Variants in TBC1D19 observed in about 807,000 individuals in gnomAD.
The protein encoded by TBC1D19 is TBC1 domain family member 19, also known as TBC1 domain family, member 19.
TBC1D19 carries 60 observed loss-of-function variants against 89.0 expected under a neutral mutation model. The observed-to-expected ratio is 0.67, with a 90% confidence interval of 0.55 to 0.84. The LOEUF (loss-of-function observed/expected upper bound fraction) is 0.84. TBC1D19 is among the 40% of genes least tolerant of loss of function. The probability of loss-of-function intolerance (pLI) is 0.00; values close to 1 mark genes in which losing one functional copy is unlikely to be tolerated. For synonymous variants in TBC1D19, 189 were observed against 199.7 expected (o/e 0.95, Z 0.45); for missense variants, 500 against 610.8 (o/e 0.82, Z 1.91).
chr4:26,649,598 GAAA>G (rs1019104100), intron 7 of TBC1D19, among the ~76,000 whole-genome samples: 1 of 152,128 alleles, frequency 6.6e-6, no homozygotes, highest in Non-Finnish European at 1.5e-5. Flanking sequence ...ACATTTCATA[GAAA>G]TGAAATTATA....
At chr4:26,734,987 T>TGC (rs1717912128) in intron 15 of TBC1D19, among the ~76,000 whole-genome samples, 3 of 150,790 alleles carry the variant, frequency 2.0e-5, no homozygotes, top group African/African-American at 7.3e-5. Context: ...CATATGTATA[T>TGC]GTATATATGT....
the TBC1D19 span, among the ~76,000 whole-genome samples, chr4:26,813,494 G>GT: frequency 1.3e-5 from 2 of 151,976 alleles, no homozygotes; most frequent in East Asian, 1.9e-4. Flanking sequence ...ATGCGAATGC[G>GT]TTTTTTTATA....
intron 7 of TBC1D19, among the ~76,000 whole-genome samples, chr4:26,645,915 A>C (rs1338435091): frequency 6.6e-6 from 1 of 151,842 alleles, no homozygotes; most frequent in Non-Finnish European, 1.5e-5. Flanking sequence ...CGAGGTCAGG[A>C]GATCGAGACC....
At chr4:26,673,926 G>T in intron 11 of TBC1D19, 38 bp downstream of exon 11, 1 of 1,272,930 alleles carries the variant, frequency 7.9e-7, no homozygotes, top group South Asian at 1.5e-5. Flanking sequence ...TTTTAGCTTT[G>T]GGGTATTTAT....
At chr4:26,648,195 T>C (rs1744096629) in intron 7 of TBC1D19, among the ~76,000 whole-genome samples, 1 of 152,144 alleles carries the variant, frequency 6.6e-6, no homozygotes, top group Non-Finnish European at 1.5e-5. Flanking sequence ...ACACAGGATG[T>C]GTTTAGATTT....
At chr4:26,603,716 A>T (rs1238698862) in intron 1 of TBC1D19, among the ~76,000 whole-genome samples, 1 of 152,214 alleles carries the variant, frequency 6.6e-6, no homozygotes, top group Non-Finnish European at 1.5e-5. Flanking sequence ...TTTATTTTTG[A>T]AAATACAATT....
chr4:26,765,958 G>A, the TBC1D19 span, among the ~76,000 whole-genome samples: 1 of 152,004 alleles, frequency 6.6e-6, no homozygotes, highest in Non-Finnish European at 1.5e-5. Context: ...AATTCTTTTC[G>A]ATACACAACT....
At chr4:26,649,010 T>A (rs895902570) in intron 7 of TBC1D19, among the ~76,000 whole-genome samples, 2 of 152,080 alleles carry the variant, frequency 1.3e-5, no homozygotes, top group African/African-American at 4.8e-5. Context: ...ATTTTTCTGT[T>A]ACTCATGTAT....
intron 3 of TBC1D19, among the ~76,000 whole-genome samples, chr4:26,618,085 T>C (rs1234698602): frequency 6.6e-6 from 1 of 152,206 alleles, no homozygotes; most frequent in African/African-American, 2.4e-5. Context: ...AGTTCTTCTT[T>C]GCCCTCTTAG....
At chr4:26,633,545 G>A (rs890980868) in intron 4 of TBC1D19, among the ~76,000 whole-genome samples, 1 of 152,108 alleles carries the variant, frequency 6.6e-6, no homozygotes, top group Non-Finnish European at 1.5e-5. Context: ...GGCAATTGGT[G>A]TTTATCTTTT....
At chr4:26,832,367 A>C in the TBC1D19 span, among the ~76,000 whole-genome samples, 1 of 152,178 alleles carries the variant, frequency 6.6e-6, no homozygotes, top group Non-Finnish European at 1.5e-5. Context: ...TTGCAAACAC[A>C]TGCATGTTGG....
the TBC1D19 span, among the ~76,000 whole-genome samples, chr4:26,799,333 T>C: frequency 6.6e-6 from 1 of 151,970 alleles, no homozygotes; most frequent in Non-Finnish European, 1.5e-5. Context: ...CAAGACCCTG[T>C]CTCAAAGAGG....
chr4:26,615,669 C>G (rs1032011687), intron 3 of TBC1D19, among the ~76,000 whole-genome samples: 2 of 152,096 alleles, frequency 1.3e-5, no homozygotes, highest in African/African-American at 4.8e-5. Flanking sequence ...GCATTTGCTT[C>G]TTTGCTTTGC....
chr4:26,812,212 A>G, the TBC1D19 span, among the ~76,000 whole-genome samples: 1 of 152,080 alleles, frequency 6.6e-6, no homozygotes, highest in African/African-American at 2.4e-5. This position sits in a 1 kb window ranked among gnomAD's most constrained non-coding sequence, Gnocchi z 4.2. Context: ...TCCTCTAGCC[A>G]CCTAGACTTG....
chr4:26,802,277 A>G, the TBC1D19 span, among the ~76,000 whole-genome samples: 2 of 152,238 alleles, frequency 1.3e-5, no homozygotes, highest in African/African-American at 2.4e-5. Flanking sequence ...ATTTAAAAGT[A>G]TAAATTGAAC....
the TBC1D19 span, among the ~76,000 whole-genome samples, chr4:26,851,323 A>ATCTG: frequency 0.016 from 2,270 of 141,386 alleles, 31 homozygotes; most frequent in Middle Eastern, 0.038. Flanking sequence ...CTATCTATCT[A>ATCTG]TCTATCTATC....
chr4:26,775,434 A>G, the TBC1D19 span, among the ~76,000 whole-genome samples: 2 of 152,248 alleles, frequency 1.3e-5, no homozygotes, highest in South Asian at 4.1e-4. Context: ...AGCCTGGGCA[A>G]CAGAGCGAGA....
At chr4:26,609,095 T>A (rs1053791022) in intron 1 of TBC1D19, among the ~76,000 whole-genome samples, 1 of 145,706 alleles carries the variant, frequency 6.9e-6, no homozygotes, top group Non-Finnish European at 1.5e-5. Context: ...CATTAGGAGA[T>A]ATACCTAATG....
chr4:26,787,101 GTT>G, the TBC1D19 span, among the ~76,000 whole-genome samples: 253 of 129,308 alleles, frequency 2.0e-3, no homozygotes, highest in African/African-American at 5.4e-3. Flanking sequence ...AGAGGAACTA[GTT>G]TTTTTTTTTT....
Sources: allele counts gnomAD v4.1 joint callset (sites outside exome capture counted in the v4.1 genomes callset), GRCh38; gene constraint gnomAD v4.1.1; non-coding constraint Gnocchi (gnomAD v3.1); transcripts MANE v1.5; gene names NCBI Gene and HGNC (gene_info 2026-07-23, HGNC 2026-07-21).